The following TBCCD1 variants were observed in gnomAD, a reference collection of about 807,000 sequenced individuals.
The protein encoded by TBCCD1 is TBCC domain-containing protein 1.
A neutral mutation model predicts 53.4 loss-of-function variants in TBCCD1; 26 were observed. The observed-to-expected ratio is 0.49, with a 90% CI of 0.36 to 0.68. The LOEUF is 0.68. TBCCD1 is among the 30% of genes least tolerant of loss of function. The probability of loss-of-function intolerance (pLI) is 0.00; values close to 1 mark genes in which losing one functional copy is unlikely to be tolerated. For missense variants in TBCCD1, 558 were observed against 669.5 expected, an observed-to-expected ratio of 0.83 and a Z score of 1.84; for synonymous variants, 245 against 241.7, an observed-to-expected ratio of 1.01 and a Z score of -0.13.
In TBCCD1 at chr3:186,567,322, T is replaced by A. The variant is rs762528358; in HGVS notation, c.-99A>T. ...TCTCCGCGCGCCGCCGCGCCCGGCG[T>A]CCGCTCGCTGGGCCCGCCCCTCACC... On this transcript the variant is annotated 5_prime_UTR_variant, in exon 1 of 8. Coordinates refer to ENST00000338733, the MANE Select transcript of TBCCD1 (RefSeq NM_018138.5). The A allele has an allele frequency of 6.6e-6, 1 of 152,442 alleles. No individual in the cohort carries two copies. The highest frequency in any genetic ancestry group is 2.4e-5 in the African/African-American group (1 of 41,366). The allele number at this position is 152,442 out of a possible 1,614,324, so 9.4% of individuals were successfully genotyped here.
At chr3:186,555,113 G>A (rs1714499001) in intron 4 of TBCCD1, 29 bp from the exon 5 acceptor site, 4 of 1,561,116 alleles carry the variant, frequency 2.6e-6, no homozygotes, top group Non-Finnish European at 3.5e-6. Flanking sequence ...AAATAGATGA[G>A]GCAGTATCAA....
rs941995471 is a variant in TBCCD1, at chr3:186,552,383, A to G, written c.1545-1104T>C. On this transcript the variant is annotated intron_variant, in intron 6 of 7. Transcript: ENST00000338733. ...TTTTGTTGAACATAAACAATACCTT[A>G]AACCACCACCATTAGACAAAGCCAC... is the stretch of plus-strand genomic sequence containing the variant. Among the ~76,000 whole-genome samples the G allele has an allele frequency of 2.0e-5, 3 of 152,154 alleles. No homozygotes were observed. In the South Asian group the frequency reaches 6.2e-4, roughly 32 times the overall value.
At chr3:186,568,936 G>C (rs1173192076), upstream of TBCCD1, among the ~76,000 whole-genome samples, 3 of 148,318 alleles carry the variant, frequency 2.0e-5, no homozygotes, top group African/African-American at 7.6e-5. Flanking sequence ...AAGAAAACAG[G>C]GTGGTGTAAG....
In TBCCD1 at chr3:186,555,061, T is replaced by C; in HGVS notation, c.883A>G (p.Lys295Glu). 6.2e-7 allele frequency: 1 copy of C among 1,606,032 alleles called. No individual in the cohort carries two copies. The highest frequency in any genetic ancestry group is 8.5e-7 in the Non-Finnish European group (1 of 1,176,854). ...HQVEGTTKRA[K>E]IACNTHVAPR... is the part of the protein sequence containing the mutation. Reference sequence around the variant, plus strand: ...GCCACATGAGTATTACAAGCAATCTTAGCTCTTTTGGTGGTCCCTTCAACT... The same window carrying C: ...GCCACATGAGTATTACAAGCAATCTCAGCTCTTTTGGTGGTCCCTTCAACT... Residue 295 changes from lysine to glutamate, a missense_variant, in exon 5 of 8, where the codon AAG becomes GAG. Physicochemically the swap from Lys to Glu is moderately conservative, Grantham distance 56 (BLOSUM62 1). Coordinates refer to ENST00000338733, the MANE Select transcript of TBCCD1 (RefSeq NM_018138.5).
chr3:186,566,090 T>G (rs961885088), intron 1 of TBCCD1, among the ~76,000 whole-genome samples: 3 of 151,586 alleles, frequency 2.0e-5, no homozygotes, highest in Non-Finnish European at 2.9e-5. Flanking sequence ...CAGGCTGGAG[T>G]GCAATAGCTC....
chr3:186,567,921 A>C (rs1052917768), upstream of TBCCD1, among the ~76,000 whole-genome samples: 1 of 152,276 alleles, frequency 6.6e-6, no homozygotes, highest in Non-Finnish European at 1.5e-5. Context: ...CACCTTCATG[A>C]AGCTTTTTCA....
intron 7 of TBCCD1, among the ~76,000 whole-genome samples, chr3:186,550,150 C>A (rs1334543075): frequency 1.4e-5 from 2 of 145,560 alleles, no homozygotes; most frequent in African/African-American, 2.6e-5. Flanking sequence ...TTGCTTGAAC[C>A]GGGGGAGCGG....
rs1465099588 is a variant in TBCCD1, at chr3:186,546,569, C to G, written c.*408G>C. The G allele has an allele frequency of 2.0e-5, 3 of 152,238 alleles. No homozygotes were observed. Among genetic ancestry groups the G allele is most frequent in the Non-Finnish European group, 4.4e-5 (3 of 68,084 alleles). The allele number at this position is 152,238 out of a possible 1,614,324, so 9.4% of individuals were successfully genotyped here. ...AGAAGGCTGGGCACGGTGGCTCACG[C>G]CTGTAATCCCAGCACTTTGGGAGGC... On this transcript the variant is annotated 3_prime_UTR_variant, in exon 8 of 8. Transcript: ENST00000338733.
chr3:186,550,046 G>A (rs1267179558), intron 7 of TBCCD1, among the ~76,000 whole-genome samples: 3 of 151,952 alleles, frequency 2.0e-5, no homozygotes, highest in Non-Finnish European at 4.4e-5. Context: ...AGCCAACATG[G>A]TGAAACTAAG....
At chr3:186,559,079 T>G (rs1469443718) in intron 2 of TBCCD1, among the ~76,000 whole-genome samples, 1 of 152,178 alleles carries the variant, frequency 6.6e-6, no homozygotes, top group Non-Finnish European at 1.5e-5. Context: ...TGGAATAATT[T>G]ACCTTCACAG....
At chr3:186,566,937 G>C (rs1424914699) in intron 1 of TBCCD1, among the ~76,000 whole-genome samples, 1 of 152,192 alleles carries the variant, frequency 6.6e-6, no homozygotes, top group Non-Finnish European at 1.5e-5. Context: ...TTCTAACTCC[G>C]AGAATCGAGA....
intron 1 of TBCCD1, among the ~76,000 whole-genome samples, chr3:186,564,781 T>C (rs147565506): frequency 2.4e-4 from 37 of 152,274 alleles, no homozygotes; most frequent in African/African-American, 7.9e-4. Context: ...CAGAAGACAG[T>C]TGGTTAAAGA....
intron 3 of TBCCD1, among the ~76,000 whole-genome samples, chr3:186,557,215 G>A (rs558559572): frequency 6.6e-6 from 1 of 152,336 alleles, no homozygotes; most frequent in South Asian, 2.1e-4. Flanking sequence ...TATGCAATAA[G>A]TCCCATGCTA....
In TBCCD1 at chr3:186,554,340, A is replaced by T; in HGVS notation, c.1458T>A (p.Leu486=). ...EGDTTEIPGG[L]PSVYQKALGQ... is the part of the protein sequence containing the mutation. ...CCAGTGCTTTCTGATATACAGATGGAAGACCCCCGGGTATCTCTGTTGTGT... is the reference window on the plus strand; with the variant it reads ...CCAGTGCTTTCTGATATACAGATGGTAGACCCCCGGGTATCTCTGTTGTGT... The change falls in exon 6 of 8, where the codon CTT becomes CTA. Residue 486 remains leucine, a synonymous_variant. Coordinates refer to ENST00000338733, the MANE Select transcript of TBCCD1 (RefSeq NM_018138.5). 2 of 1,614,222 alleles carry T rather than the reference A, an allele frequency of 1.2e-6. No individual in the cohort carries two copies. The highest frequency in any genetic ancestry group is 1.7e-6 in the Non-Finnish European group (2 of 1,180,038).
chr3:186,565,977 C>G (rs1169462661), intron 1 of TBCCD1, among the ~76,000 whole-genome samples: 1 of 151,598 alleles, frequency 6.6e-6, no homozygotes, highest in Non-Finnish European at 1.5e-5. Flanking sequence ...AATTATATGA[C>G]TGATGAAAAT....
intron 6 of TBCCD1, among the ~76,000 whole-genome samples, chr3:186,552,231 G>T (rs1231653489): frequency 6.6e-6 from 1 of 152,094 alleles, no homozygotes; most frequent in Non-Finnish European, 1.5e-5. Context: ...AAGTACAAAG[G>T]TTCCAAAGTG....
At chr3:186,557,903 C>G (rs1021918093) in intron 3 of TBCCD1, among the ~76,000 whole-genome samples, 2 of 151,954 alleles carry the variant, frequency 1.3e-5, no homozygotes, top group African/African-American at 4.8e-5. Context: ...TACACAAGAA[C>G]AAGTAAAAAT....
chr3:186,549,158 G>A (rs999785138), intron 7 of TBCCD1, among the ~76,000 whole-genome samples: 6 of 151,958 alleles, frequency 3.9e-5, no homozygotes, highest in South Asian at 2.1e-4. Flanking sequence ...TGCGGTGGCC[G>A]GTTCCTGTAA....
At chr3:186,549,337 T>G (rs369917924) in intron 7 of TBCCD1, among the ~76,000 whole-genome samples, 2 of 151,992 alleles carry the variant, frequency 1.3e-5, no homozygotes, top group Middle Eastern at 3.4e-3. Flanking sequence ...CCTACATACA[T>G]GAGTTTATCT....
Sources: allele counts gnomAD v4.1 joint callset (sites outside exome capture counted in the v4.1 genomes callset), GRCh38; gene constraint gnomAD v4.1.1; transcripts MANE v1.5; gene names NCBI Gene and HGNC (gene_info 2026-07-23, HGNC 2026-07-21).